DPP10: variants seen among roughly 807,000 people sequenced by gnomAD.
DPP10 encodes dipeptidyl peptidase like 10, also known as inactive dipeptidyl peptidase 10.
DPP10 carries 33 observed loss-of-function variants against 120.9 expected under a neutral mutation model. The observed-to-expected ratio is 0.27, with a 90% CI of 0.21 to 0.37. DPP10 has a LOEUF of 0.37. Among genes scored for constraint, DPP10 ranks in the 10% least tolerant of loss-of-function variants. DPP10 has a pLI of 1.00. For missense variants in DPP10, 816 were observed against 942.8 expected (o/e 0.87, Z 1.76); for synonymous variants, 337 against 326.1 (o/e 1.03, Z -0.36).
At chr2:114,857,322 G>C (rs143832432) in intron 1 of DPP10, among the ~76,000 whole-genome samples, 14 of 152,338 alleles carry the variant, frequency 9.2e-5, no homozygotes, top group Middle Eastern at 3.4e-3. Flanking sequence ...ACCTGAAGGA[G>C]AATATGTTTG....
intron 1 of DPP10, among the ~76,000 whole-genome samples, chr2:114,557,964 C>T (rs1004136249): frequency 3.3e-5 from 5 of 152,100 alleles, no homozygotes; most frequent in Admixed American, 2.6e-4. Context: ...CTCTGTATGT[C>T]CCTCAGCACT....
intron 5 of DPP10, among the ~76,000 whole-genome samples, chr2:115,536,358 C>A (rs4849405): frequency 0.97 from 147,302 of 152,040 alleles, 71,528 homozygotes; most frequent in East Asian, 1. Context: ...ATGGCTTTAC[C>A]ATCTTTTCAT....
intron 5 of DPP10, among the ~76,000 whole-genome samples, chr2:115,664,588 C>T (rs2149420802): frequency 6.6e-6 from 1 of 152,028 alleles, no homozygotes; most frequent in Admixed American, 6.5e-5. Flanking sequence ...CAAGGAAATG[C>T]TTTTCTCAAG....
In DPP10 at chr2:115,689,701, G is replaced by T; in HGVS notation, c.456G>T (p.Ser152=). The part of the protein sequence containing the change: ...AYDVKQIFHY[S]YTASYVIYNI... Reference sequence around the variant, plus strand: ...TTTAATTTCAGATTTTTCATTATTCGTATACTGCTTCATATGTGATTTACA... The same window carrying T: ...TTTAATTTCAGATTTTTCATTATTCTTATACTGCTTCATATGTGATTTACA... Residue 152 remains serine, a synonymous_variant, in exon 6 of 26, where the codon TCG becomes TCT. Transcript: ENST00000410059. 6.4e-7 allele frequency: 1 copy of T among 1,570,436 alleles called. No individual in the cohort carries two copies. Among genetic ancestry groups the T allele is most frequent in the Non-Finnish European group, 8.7e-7 (1 of 1,148,702 alleles).
At chr2:115,288,378 T>A (rs2060492365) in intron 1 of DPP10, among the ~76,000 whole-genome samples, 1 of 152,036 alleles carries the variant, frequency 6.6e-6, no homozygotes, top group East Asian at 1.9e-4. Context: ...CTCTTCTGAG[T>A]CTATTCAATA....
chr2:114,705,200 C>G (rs556191068), intron 1 of DPP10, among the ~76,000 whole-genome samples: 1 of 152,162 alleles, frequency 6.6e-6, no homozygotes, highest in Non-Finnish European at 1.5e-5. Flanking sequence ...ATAGACCCAA[C>G]TGGAGAGCCA....
intron 1 of DPP10, among the ~76,000 whole-genome samples, chr2:115,286,540 T>TATATATATATAA (rs1559367032): frequency 1.7e-4 from 18 of 107,336 alleles, no homozygotes; most frequent in South Asian, 1.1e-3. Flanking sequence ...TATATATATA[T>TATATATATATAA]AAAATATATA....
At chr2:115,086,880 G>A (rs547118516) in intron 1 of DPP10, among the ~76,000 whole-genome samples, 1 of 152,296 alleles carries the variant, frequency 6.6e-6, no homozygotes, top group African/African-American at 2.4e-5. Flanking sequence ...GTCATGGGCC[G>A]TGGTCACTCA....
In DPP10 at chr2:115,704,103, C is replaced by T. The variant is rs912182662; in HGVS notation, c.576+14182C>T. The stretch of plus-strand genomic sequence containing the variant: ...TAATGTAACTAATGTGACAACTGGT[C>T]CATCATCTGAGCTCCTGCCACTCCA... On this transcript the variant is annotated intron_variant, in intron 7 of 25. Coordinates refer to ENST00000410059, the MANE Select transcript of DPP10 (RefSeq NM_020868.6). 3.3e-5 allele frequency among the ~76,000 whole-genome samples: 5 copies of T among 151,978 alleles called. No homozygotes were observed. The South Asian group carries it at 6.2e-4, about 19-fold the overall frequency.
chr2:115,358,738 A>G (rs532109154), intron 3 of DPP10, among the ~76,000 whole-genome samples: 4 of 152,296 alleles, frequency 2.6e-5, no homozygotes, highest in African/African-American at 7.2e-5. Flanking sequence ...AAAGAGGTTT[A>G]ATTGCCTCCT....
intron 3 of DPP10, chr2:115,469,013 T>G (rs1339423733): frequency 4.7e-6 from 1 of 212,456 alleles, no homozygotes; most frequent in Non-Finnish European, 9.4e-6. Context: ...CAGGCTGGAG[T>G]GCAGTGGTGC....
intron 3 of DPP10, among the ~76,000 whole-genome samples, chr2:115,490,292 G>A (rs1475156392): frequency 6.6e-6 from 1 of 152,142 alleles, no homozygotes; most frequent in Non-Finnish European, 1.5e-5. Flanking sequence ...CAGCAGGAGA[G>A]AGAATGAGTG....
At chr2:114,629,275 C>T (rs1291937241) in intron 1 of DPP10, among the ~76,000 whole-genome samples, 1 of 152,172 alleles carries the variant, frequency 6.6e-6, no homozygotes, top group African/African-American at 2.4e-5. Flanking sequence ...TCTGCCTTCG[C>T]TGAATTGACA....
chr2:114,924,415 T>C (rs1375785122), intron 1 of DPP10, among the ~76,000 whole-genome samples: 1 of 151,850 alleles, frequency 6.6e-6, no homozygotes, highest in Non-Finnish European at 1.5e-5. Flanking sequence ...TAATCCCAGC[T>C]ACTCTGGAAG....
intron 5 of DPP10, among the ~76,000 whole-genome samples, chr2:115,637,754 C>G (rs2086463484): frequency 6.6e-6 from 1 of 152,106 alleles, no homozygotes; most frequent in African/African-American, 2.4e-5. Context: ...CCCCTGTGAC[C>G]TGGGGGGAAG....
chr2:114,990,301 C>T (rs188254408), intron 1 of DPP10, among the ~76,000 whole-genome samples: 1 of 152,010 alleles, frequency 6.6e-6, no homozygotes, highest in South Asian at 2.1e-4. Flanking sequence ...ACAAGGAGAT[C>T]CTAAGTCTTC....
chr2:114,466,973 C>T (rs773956312), intron 1 of DPP10, among the ~76,000 whole-genome samples: 2 of 148,696 alleles, frequency 1.3e-5, no homozygotes, highest in African/African-American at 2.5e-5. Flanking sequence ...ACCCGGAAGG[C>T]GGAAGTCACA....
At chr2:115,432,613 T>C (rs2071095160) in intron 3 of DPP10, among the ~76,000 whole-genome samples, 1 of 151,570 alleles carries the variant, frequency 6.6e-6, no homozygotes, top group African/African-American at 2.4e-5. Flanking sequence ...CCTGAAATAT[T>C]TTGAATTACT....
chr2:114,933,488 A>G (rs1388637200), intron 1 of DPP10, among the ~76,000 whole-genome samples: 1 of 152,208 alleles, frequency 6.6e-6, no homozygotes, highest in Admixed American at 6.5e-5. Context: ...TAGAAGCTGA[A>G]TGCAAAATTC....
Sources: allele counts gnomAD v4.1 joint callset (sites outside exome capture counted in the v4.1 genomes callset), GRCh38; gene constraint gnomAD v4.1.1; transcripts MANE v1.5; gene names NCBI Gene and HGNC (gene_info 2026-07-23, HGNC 2026-07-21).